The following NCOA3 variants were observed in gnomAD, a reference collection of about 807,000 sequenced individuals.
NCOA3 encodes CBP-interacting protein.
A neutral mutation model predicts 158.8 loss-of-function variants in NCOA3; 51 were observed. The observed-to-expected ratio is 0.32, with a 90% CI of 0.26 to 0.41. NCOA3 has a LOEUF of 0.41. NCOA3 is among the 10% of genes least tolerant of loss of function. NCOA3 has a pLI of 1.00. For synonymous variants in NCOA3, 537 were observed against 592.4 expected, an observed-to-expected ratio of 0.91 and a Z score of 1.36; for missense variants, 1,510 against 1,746.6, an observed-to-expected ratio of 0.86 and a Z score of 2.41.
intron 1 of NCOA3, among the ~76,000 whole-genome samples, chr20:47,508,142 C>G (rs143705888): frequency 9.9e-5 from 15 of 152,266 alleles, no homozygotes; most frequent in African/African-American, 3.6e-4. Context: ...AATTTATATA[C>G]ATATAAGAAA....
At chr20:47,586,073 C>A (rs2085531264) in intron 2 of NCOA3, among the ~76,000 whole-genome samples, 1 of 151,982 alleles carries the variant, frequency 6.6e-6, no homozygotes, top group South Asian at 2.1e-4. Flanking sequence ...GCACGCGCCA[C>A]CCTGCCCGGC....
intron 1 of NCOA3, among the ~76,000 whole-genome samples, chr20:47,522,560 A>G (rs901660701): frequency 6.6e-6 from 1 of 152,118 alleles, no homozygotes; most frequent in Non-Finnish European, 1.5e-5. Flanking sequence ...CCAGCCAGGT[A>G]TATATGCAGC....
At chr20:47,643,024 C>T (rs1396645712) in intron 17 of NCOA3, among the ~76,000 whole-genome samples, 1 of 152,226 alleles carries the variant, frequency 6.6e-6, no homozygotes, top group Non-Finnish European at 1.5e-5. Context: ...GATTCTCCTG[C>T]CTTAGCCTCG....
intron 1 of NCOA3, among the ~76,000 whole-genome samples, chr20:47,516,678 T>C (rs2084239146): frequency 6.6e-6 from 1 of 151,994 alleles, no homozygotes; most frequent in Non-Finnish European, 1.5e-5. Flanking sequence ...CCCAGCACTT[T>C]GGGAGGCCGA....
Position 47,639,979 on chromosome 20 carries a change from C to T in NCOA3, c.3008C>T (p.Ala1003Val), listed in dbSNP as rs1015932505. The change falls in exon 16 of 23, where the codon GCA (alanine) becomes GTA (valine). Residue 1003 changes from alanine (A) to valine (V), a missense_variant. This residue lies in a region of NCOA3 where 1,017 missense variants were observed against 1,098.3 expected (regional missense o/e 0.93). Coordinates refer to ENST00000371998, the MANE Select transcript of NCOA3 (RefSeq NM_181659.3). ...GCTAATCCCTATGGCCAAGCAGCAGCATCTAACCAACTGGGTTCCTGGCCC... is the reference window on the plus strand; with the variant it reads ...GCTAATCCCTATGGCCAAGCAGCAGTATCTAACCAACTGGGTTCCTGGCCC... ...MGANPYGQAA[A>V]SNQLGSWPDG... 10 of 1,614,108 alleles carry T rather than the reference C, an allele frequency of 6.2e-6. No individual in the cohort carries two copies. Among genetic ancestry groups the T allele is most frequent in the Non-Finnish European group, 8.5e-6 (10 of 1,180,052 alleles).
intron 2 of NCOA3, among the ~76,000 whole-genome samples, chr20:47,608,640 C>CA (rs148545557): frequency 0.062 from 6,097 of 98,488 alleles, 193 homozygotes; most frequent in Middle Eastern, 0.087. Context: ...ACCCTGTCTC[C>CA]AAAAAAAAAA....
intron 1 of NCOA3, among the ~76,000 whole-genome samples, chr20:47,503,678 T>G (rs2083979922): frequency 6.6e-6 from 1 of 152,250 alleles, no homozygotes; most frequent in African/African-American, 2.4e-5. Flanking sequence ...AACTTACTGC[T>G]TATGTCACCT....
chr20:47,656,679 C>T lies in NCOA3; in HGVS notation c.*3262C>T, dbSNP rs150254333. 2.7e-4 allele frequency: 41 copies of T among 152,608 alleles called. No homozygotes were observed. Among genetic ancestry groups the T allele is most frequent in the African/African-American group, 8.4e-4 (35 of 41,514 alleles). The allele number at this position is 152,608 out of a possible 1,614,324, so 9.5% of individuals were successfully genotyped here. On this transcript the variant is annotated 3_prime_UTR_variant, in exon 23 of 23. Coordinates refer to ENST00000371998, the MANE Select transcript of NCOA3 (RefSeq NM_181659.3). ...AATATGAGAGCAATATTTAAATTCT[C>T]AGGAATTGACTTATACTCTTGAGAA... is the stretch of plus-strand genomic sequence containing the variant.
chr20:47,638,568 G>T (rs1332758648), intron 13 of NCOA3, among the ~76,000 whole-genome samples: 1 of 152,138 alleles, frequency 6.6e-6, no homozygotes, highest in African/African-American at 2.4e-5. Context: ...GTTAGAAGGG[G>T]ATTTTACATT....
intron 2 of NCOA3, among the ~76,000 whole-genome samples, chr20:47,596,061 A>G (rs2085750480): frequency 6.6e-6 from 1 of 152,208 alleles, no homozygotes; most frequent in Admixed American, 6.5e-5. Flanking sequence ...TTTGAAGGCT[A>G]TTCTTGAACC....
chr20:47,637,604 G>T, intron 12 of NCOA3, 44 bp from the exon 13 acceptor site: 1 of 1,496,988 alleles, frequency 6.7e-7, no homozygotes, highest in Admixed American at 2.2e-5. Context: ...ATACCTGTGT[G>T]TCTGGTAATG....
chr20:47,566,853 G>A (rs768718850), intron 1 of NCOA3, among the ~76,000 whole-genome samples: 10 of 151,966 alleles, frequency 6.6e-5, no homozygotes, highest in Non-Finnish European at 1.2e-4. Context: ...GTAGAGTGGC[G>A]TGTACCTGTA....
At position 47,532,567 on chromosome 20, in the gene NCOA3, C is replaced by T. The variant is rs550910353; in HGVS notation, c.-99+30548C>T. Among the ~76,000 whole-genome samples, 22 of 152,246 alleles carry T rather than the reference C, an allele frequency of 1.4e-4. No homozygotes were observed. In the South Asian group the frequency reaches 4.4e-3, roughly 30 times the overall value. Reference sequence around the variant, plus strand: ...TGCCCAGGCCCAGGCTGGTCTAGAACTGCTGGGCTCCCACCTCAGCCTCAT... The same window carrying T: ...TGCCCAGGCCCAGGCTGGTCTAGAATTGCTGGGCTCCCACCTCAGCCTCAT... On this transcript the variant is annotated intron_variant, in intron 1 of 22. Transcript: ENST00000371998.
chr20:47,605,762 C>T (rs917319933), intron 2 of NCOA3, among the ~76,000 whole-genome samples: 5 of 152,062 alleles, frequency 3.3e-5, no homozygotes, highest in African/African-American at 1.2e-4. Context: ...CATGTTTGAG[C>T]GTAACTGTGT....
chr20:47,571,601 A>C (rs1023731280), intron 1 of NCOA3, among the ~76,000 whole-genome samples: 1 of 152,068 alleles, frequency 6.6e-6, no homozygotes, highest in Non-Finnish European at 1.5e-5. Context: ...TTTGGTGAGC[A>C]GTAGGTCTCA....
At chr20:47,523,285 G>A (rs1432378663) in intron 1 of NCOA3, among the ~76,000 whole-genome samples, 1 of 152,130 alleles carries the variant, frequency 6.6e-6, no homozygotes, top group Non-Finnish European at 1.5e-5. Context: ...GGTTTTGGGC[G>A]ATGACTCTTT....
At chr20:47,564,186 G>GT (rs761916325) in intron 1 of NCOA3, among the ~76,000 whole-genome samples, 12 of 151,400 alleles carry the variant, frequency 7.9e-5, no homozygotes, top group East Asian at 3.9e-4. Context: ...ACCTTTCTCC[G>GT]TTTTTTTCCC....
intron 4 of NCOA3, among the ~76,000 whole-genome samples, chr20:47,624,929 C>T (rs373084070): frequency 2.4e-4 from 37 of 152,064 alleles, no homozygotes; most frequent in African/African-American, 8.7e-4. Flanking sequence ...CCTGCCACCA[C>T]GCCCAGCTAA....
At chr20:47,615,188 A>AT (rs2086112240) in intron 2 of NCOA3, among the ~76,000 whole-genome samples, 2 of 152,246 alleles carry the variant, frequency 1.3e-5, no homozygotes, top group Non-Finnish European at 2.9e-5. Context: ...AATAAATTAC[A>AT]GTATATATGA....
Sources: allele counts gnomAD v4.1 joint callset (sites outside exome capture counted in the v4.1 genomes callset), GRCh38; gene constraint gnomAD v4.1.1; regional missense constraint gnomAD v4.1.1; transcripts MANE v1.5; gene names NCBI Gene and HGNC (gene_info 2026-07-23, HGNC 2026-07-21).